Variants in FRMD4A observed in about 807,000 individuals in gnomAD.
FRMD4A encodes FERM domain-containing protein 4A.
In FRMD4A, 29 loss-of-function variants were observed where a neutral mutation model predicts 129.1. The ratio of observed to expected loss-of-function variants is 0.22; its 90% CI spans 0.17 to 0.31. The LOEUF is 0.31. Ranked by LOEUF, FRMD4A falls within the 10% of genes least tolerant of loss-of-function variation. The pLI, the probability that FRMD4A is intolerant of heterozygous loss-of-function variation, is 1.00. For synonymous variants in FRMD4A, 634 were observed against 571.6 expected (o/e 1.11, Z -1.56); for missense variants, 1,272 against 1,375.8 (o/e 0.92, Z 1.19).
At chr10:13,995,128 A>G (rs1332864294) in intron 2 of FRMD4A, among the ~76,000 whole-genome samples, 1 of 152,208 alleles carries the variant, frequency 6.6e-6, no homozygotes, top group Admixed American at 6.5e-5. Context: ...AAGATACATG[A>G]GACATGTTTC....
rs1262508886 is a variant in FRMD4A, at chr10:13,714,030, A to ATTT, written c.760-6918_760-6917insAAA. On this transcript the variant is annotated intron_variant, in intron 12 of 24. Coordinates refer to ENST00000357447, the MANE Select transcript of FRMD4A (RefSeq NM_018027.5). ...TAATATACATATATAAAATATACAT[A>ATTT]TATATATATATATATATATATATAT... Among the ~76,000 whole-genome samples, 7 of 65,374 alleles carry ATTT rather than the reference A, an allele frequency of 1.1e-4. 3 individuals are homozygous for ATTT. The highest frequency in any genetic ancestry group is 4.0e-4 in the African/African-American group (7 of 17,386). The allele number at this position is 65,374 out of a possible 152,430, so 42.9% of individuals were successfully genotyped here. A position where few individuals can be genotyped will look rare whatever the true frequency, so the allele number is the denominator to read the frequency against.
In FRMD4A at chr10:13,842,678, C is replaced by T. The variant is rs765908465; in HGVS notation, c.111+16169G>A. On this transcript the variant is annotated intron_variant, in intron 3 of 24. Coordinates refer to ENST00000357447, the MANE Select transcript of FRMD4A (RefSeq NM_018027.5). ...TGCTGGTATATTTTCTGTTGGTCAGCGGCAAAATGAGAAAAATAGGATAAA... is the reference window on the plus strand; with the variant it reads ...TGCTGGTATATTTTCTGTTGGTCAGTGGCAAAATGAGAAAAATAGGATAAA... Among the ~76,000 whole-genome samples, 8 of 152,040 alleles carry T rather than the reference C, an allele frequency of 5.3e-5. No homozygotes were observed. The South Asian group carries it at 8.3e-4, about 16-fold the overall frequency.
chr10:13,983,627 C>A (rs2095570048), intron 2 of FRMD4A, among the ~76,000 whole-genome samples: 1 of 151,878 alleles, frequency 6.6e-6, no homozygotes, highest in Admixed American at 6.6e-5. Context: ...GTTGCAGAAA[C>A]AAAAGTGGTG....
intron 2 of FRMD4A, among the ~76,000 whole-genome samples, chr10:14,032,236 T>A (rs192111144): frequency 1.6e-4 from 24 of 152,344 alleles, no homozygotes; most frequent in African/African-American, 5.8e-4. Flanking sequence ...AGTAGGAAAG[T>A]AATCTGTCAG....
At chr10:14,133,100 G>A (rs946304925) in intron 2 of FRMD4A, among the ~76,000 whole-genome samples, 2 of 152,132 alleles carry the variant, frequency 1.3e-5, no homozygotes, top group African/African-American at 4.8e-5. Context: ...AGATTTCATG[G>A]CAGAAGGAAG....
intron 2 of FRMD4A, among the ~76,000 whole-genome samples, chr10:14,048,781 G>A (rs1238389464): frequency 1.3e-5 from 2 of 151,450 alleles, no homozygotes. Flanking sequence ...ACTCCAGCCT[G>A]GGTGACAGAG....
chr10:13,657,707 G>A (rs182767687), intron 21 of FRMD4A, among the ~76,000 whole-genome samples, 185 bp from the exon 22 acceptor site: 188 of 152,208 alleles, frequency 1.2e-3, no homozygotes, highest in African/African-American at 4.3e-3. Context: ...CATTGCGGGA[G>A]GTGAACCTGG....
In FRMD4A at chr10:13,846,174, C is replaced by T. The variant is rs536566116; in HGVS notation, c.111+12673G>A. Among the ~76,000 whole-genome samples the T allele has an allele frequency of 3.3e-5, 5 of 152,322 alleles. No individual in the cohort carries two copies. In the South Asian group the frequency reaches 1.0e-3, roughly 32 times the overall value. On this transcript the variant is annotated intron_variant, in intron 3 of 24. Coordinates refer to ENST00000357447, the MANE Select transcript of FRMD4A (RefSeq NM_018027.5). ...GCTAATATGATGATTAATCACTAAGCTATATAATTTCCCAAAGCATTTGAA... is the reference window on the plus strand; with the variant it reads ...GCTAATATGATGATTAATCACTAAGTTATATAATTTCCCAAAGCATTTGAA...
intron 2 of FRMD4A, among the ~76,000 whole-genome samples, chr10:14,076,883 A>G (rs1316868068): frequency 6.6e-6 from 1 of 152,234 alleles, no homozygotes; most frequent in East Asian, 1.9e-4. Context: ...TGTCCTCAAT[A>G]AGCACACAAG....
At chr10:13,918,937 C>A (rs1284069531) in intron 2 of FRMD4A, among the ~76,000 whole-genome samples, 2 of 151,852 alleles carry the variant, frequency 1.3e-5, no homozygotes, top group African/African-American at 4.8e-5. Context: ...CTATTTATGC[C>A]CAAATGATTC....
chr10:13,927,848 G>T (rs868374672), intron 2 of FRMD4A, among the ~76,000 whole-genome samples: 1 of 152,176 alleles, frequency 6.6e-6, no homozygotes, highest in African/African-American at 2.4e-5. Context: ...AGTAAGTTAA[G>T]ATGGAGCTCA....
intron 2 of FRMD4A, among the ~76,000 whole-genome samples, chr10:14,128,076 CTTTCT>C (rs1256640305): frequency 1.9e-5 from 2 of 105,684 alleles, no homozygotes; most frequent in African/African-American, 7.5e-5. Flanking sequence ...TTCTTTCTTT[CTTTCT>C]TTCTTTCTTT....
At chr10:13,845,104 C>T (rs10906515) in intron 3 of FRMD4A, among the ~76,000 whole-genome samples, 63,914 of 151,930 alleles carry the variant, frequency 0.42, 13,438 homozygotes, top group Middle Eastern at 0.49. Flanking sequence ...GATACTGGGA[C>T]GCAACCATTG....
chr10:13,854,854 A>G (rs1482096717), intron 3 of FRMD4A, among the ~76,000 whole-genome samples: 3 of 152,176 alleles, frequency 2.0e-5, no homozygotes, highest in Non-Finnish European at 2.9e-5. Flanking sequence ...GCATGTGTCC[A>G]CAACCAAGGC....
chr10:14,247,951 T>C (rs867494998), intron 2 of FRMD4A, among the ~76,000 whole-genome samples: 18 of 152,340 alleles, frequency 1.2e-4, no homozygotes, highest in Middle Eastern at 3.4e-3. Context: ...CGACTCTACA[T>C]GGCCAAACCT....
intron 2 of FRMD4A, among the ~76,000 whole-genome samples, chr10:14,162,061 A>T (rs971464910): frequency 6.6e-6 from 1 of 151,398 alleles, no homozygotes; most frequent in Non-Finnish European, 1.5e-5. Context: ...TAAATCTAAT[A>T]TATTTTCATG....
intron 2 of FRMD4A, among the ~76,000 whole-genome samples, chr10:13,927,622 C>G (rs1311593220): frequency 6.6e-6 from 1 of 152,190 alleles, no homozygotes; most frequent in African/African-American, 2.4e-5. Flanking sequence ...GAACGAGAGT[C>G]TAGTTATTTC....
rs574276238 is a variant in FRMD4A at position 13,873,066 on chromosome 10, C to T, written c.46-14154G>A. Among the ~76,000 whole-genome samples the T allele has an allele frequency of 7.3e-5, 11 of 151,608 alleles. No homozygotes were observed. The South Asian group carries it at 2.3e-3, about 32-fold the overall frequency. ...TGGTGAACGCCTATAGTCCTAGCTA[C>T]TTGGGAGGCTGAGGCAGAAGAATCA... is the stretch of plus-strand genomic sequence containing the variant. On this transcript the variant is annotated intron_variant, in intron 2 of 24. Coordinates refer to ENST00000357447, the MANE Select transcript of FRMD4A (RefSeq NM_018027.5).
intron 2 of FRMD4A, among the ~76,000 whole-genome samples, chr10:14,121,391 A>T (rs1026085663): frequency 3.3e-5 from 5 of 152,184 alleles, no homozygotes; most frequent in Non-Finnish European, 5.9e-5. Flanking sequence ...AAACAAAAAA[A>T]CCAAAACAAA....
Sources: allele counts gnomAD v4.1 joint callset (sites outside exome capture counted in the v4.1 genomes callset), GRCh38; gene constraint gnomAD v4.1.1; transcripts MANE v1.5; gene names NCBI Gene and HGNC (gene_info 2026-07-23, HGNC 2026-07-21).